The following DYNC1I1 variants were observed in gnomAD, a reference collection of about 807,000 sequenced individuals.
DYNC1I1 encodes the protein dynein cytoplasmic 1 intermediate chain 1.
Under a neutral mutation model 86.6 loss-of-function variants are expected in DYNC1I1, and 43 were observed. That is an observed-to-expected ratio of 0.50 (90% CI 0.39 to 0.64). DYNC1I1 has a LOEUF of 0.64. Ranked by LOEUF, DYNC1I1 falls within the 30% of genes least tolerant of loss-of-function variation. The pLI is 0.00. For synonymous variants in DYNC1I1, 262 were observed against 283.7 expected, an observed-to-expected ratio of 0.92 and a Z score of 0.77; for missense variants, 604 against 788.8, an observed-to-expected ratio of 0.77 and a Z score of 2.81.
At chr7:95,833,040 A>T (rs1227506) in intron 5 of DYNC1I1, among the ~76,000 whole-genome samples, 90,207 of 144,286 alleles carry the variant, frequency 0.63, 28,838 homozygotes, top group African/African-American at 0.75. Flanking sequence ...ATGAAGTCCT[A>T]GCCCATGCCT....
chr7:96,086,998 T>A (rs1342055377), intron 16 of DYNC1I1, among the ~76,000 whole-genome samples: 1 of 152,164 alleles, frequency 6.6e-6, no homozygotes, highest in African/African-American at 2.4e-5. Context: ...CAACAGTAGT[T>A]TGATGTAGTG....
chr7:96,027,395 A>G lies in DYNC1I1; in HGVS notation c.970-780A>G, dbSNP rs112679195. On this transcript the variant is annotated intron_variant, in intron 10 of 16. Coordinates refer to ENST00000447467, the MANE Select transcript of DYNC1I1 (RefSeq NM_001135556.2). ...TTACTTCTCTGACTTTAAGTGCATT[A>G]TGGTTCTATCTCAGCTAAGTAATTT... 2.2e-3 allele frequency among the ~76,000 whole-genome samples: 338 copies of G among 152,358 alleles called. 2 individuals carry two copies. Among genetic ancestry groups the G allele is most frequent in the African/African-American group, 7.5e-3 (314 of 41,598 alleles).
intron 10 of DYNC1I1, 21 bp from the exon 11 acceptor site, chr7:96,028,154 C>G (rs1448856790): frequency 6.2e-7 from 1 of 1,612,274 alleles, no homozygotes. Context: ...ATCTCTCTCT[C>G]TCTCTCCTTT....
chr7:95,959,554 T>C (rs1792807446), intron 6 of DYNC1I1, among the ~76,000 whole-genome samples: 1 of 152,192 alleles, frequency 6.6e-6, no homozygotes, highest in African/African-American at 2.4e-5. Context: ...AGTGACTGGT[T>C]CTCAATCCCA....
intron 6 of DYNC1I1, among the ~76,000 whole-genome samples, chr7:95,914,541 TA>T (rs1363920866): frequency 1.3e-5 from 2 of 152,256 alleles, no homozygotes; most frequent in East Asian, 3.8e-4. Context: ...TGTTCCTTTT[TA>T]AATGTGATGA....
At chr7:95,793,279 G>A (rs1284547798) in intron 1 of DYNC1I1, among the ~76,000 whole-genome samples, 3 of 152,060 alleles carry the variant, frequency 2.0e-5, no homozygotes. Flanking sequence ...AATTGGTTGT[G>A]GGGTGTGGTG....
At chr7:95,818,760 TCTTAGCACCTTAGTG>T (rs1795007817) in intron 4 of DYNC1I1, 1 of 405,858 alleles carries the variant, frequency 2.5e-6, no homozygotes, top group Non-Finnish European at 4.4e-6. Context: ...AGAGTAGCAC[TCTTAGCACCTTAGTG>T]CTTATTCTTT....
chr7:96,028,113 A>G, intron 10 of DYNC1I1, 62 bp from the exon 11 acceptor site: 1 of 1,576,644 alleles, frequency 6.3e-7, no homozygotes, highest in Non-Finnish European at 8.7e-7. Flanking sequence ...TTTCAGGAAG[A>G]AACAAGTCAC....
intron 4 of DYNC1I1, among the ~76,000 whole-genome samples, chr7:95,827,400 T>G (rs1167186854): frequency 6.6e-6 from 1 of 152,228 alleles, no homozygotes; most frequent in Non-Finnish European, 1.5e-5. Context: ...AATTGGATGC[T>G]TTGGTAACTA....
chr7:96,100,204 G>C (rs1791106548), downstream of DYNC1I1, among the ~76,000 whole-genome samples: 1 of 152,148 alleles, frequency 6.6e-6, no homozygotes, highest in Non-Finnish European at 1.5e-5. Context: ...CTGTATCTAG[G>C]AGACATAAGA....
At chr7:96,072,732 A>T (rs1466456087) in intron 14 of DYNC1I1, among the ~76,000 whole-genome samples, 1 of 152,206 alleles carries the variant, frequency 6.6e-6, no homozygotes, top group Non-Finnish European at 1.5e-5. Context: ...ATAAATTCAA[A>T]ATCTTTAGAA....
chr7:95,909,559 G>A (rs1210783716), intron 6 of DYNC1I1, among the ~76,000 whole-genome samples: 2 of 152,050 alleles, frequency 1.3e-5, no homozygotes, highest in African/African-American at 2.4e-5. Flanking sequence ...AGAGGAAGGA[G>A]GAAGAGAAGG....
chr7:95,880,640 CTTTTTT>C (rs142182653), intron 6 of DYNC1I1, among the ~76,000 whole-genome samples: 4 of 92,550 alleles, frequency 4.3e-5, no homozygotes, highest in Admixed American at 1.2e-4. Flanking sequence ...CATCTTCTTA[CTTTTTT>C]TTTTTTTTTT....
At chr7:95,840,632 T>A (rs1789255362) in intron 5 of DYNC1I1, among the ~76,000 whole-genome samples, 1 of 152,198 alleles carries the variant, frequency 6.6e-6, no homozygotes, top group Non-Finnish European at 1.5e-5. Flanking sequence ...TTTGTGTTAG[T>A]TTCTGCACAT....
rs1276807280 is a variant in DYNC1I1, at chr7:96,061,498, C to T, written c.1510-14559C>T. ...GTGAGTTCTTAAGAACTGGAGCTTT[C>T]AGTGAAAGAGAATAAAGGGCATTAG... On this transcript the variant is annotated intron_variant, in intron 14 of 16. Coordinates refer to ENST00000447467, the MANE Select transcript of DYNC1I1 (RefSeq NM_001135556.2). Among the ~76,000 whole-genome samples, 3 of 152,066 alleles carry T rather than the reference C, an allele frequency of 2.0e-5. No homozygotes were observed. In the East Asian group the frequency reaches 5.8e-4, roughly 30 times the overall value.
intron 14 of DYNC1I1, among the ~76,000 whole-genome samples, chr7:96,066,666 G>T (rs529791389): frequency 1.3e-5 from 2 of 152,238 alleles, no homozygotes; most frequent in African/African-American, 4.8e-5. Context: ...CTTATCTCAG[G>T]ATCCTGGTAA....
At chr7:96,018,142 G>A (rs1794446499) in intron 10 of DYNC1I1, among the ~76,000 whole-genome samples, 1 of 152,194 alleles carries the variant, frequency 6.6e-6, no homozygotes, top group Non-Finnish European at 1.5e-5. Flanking sequence ...GTAACAGGCA[G>A]GGAGCCCACA....
At chr7:96,035,495 C>A in intron 12 of DYNC1I1, 124 bp from the exon 13 acceptor site, 1 of 1,296,542 alleles carries the variant, frequency 7.7e-7, no homozygotes, top group Non-Finnish European at 1.0e-6. Context: ...TCTGGCACAG[C>A]CGGGGTCTTT....
chr7:95,810,699 T>A (rs1223194984), intron 3 of DYNC1I1, among the ~76,000 whole-genome samples, 193 bp downstream of exon 3: 13 of 151,972 alleles, frequency 8.6e-5, no homozygotes, highest in Non-Finnish European at 1.8e-4. Flanking sequence ...AGGAAAGTTG[T>A]AGAATTGTCA....
Sources: gnomAD v4.1 joint callset for allele counts (sites outside exome capture counted in the v4.1 genomes callset) on GRCh38, gnomAD v4.1.1 for gene constraint, MANE v1.5 for transcripts, NCBI Gene and HGNC (gene_info 2026-07-23, HGNC 2026-07-21) for gene names.